Variants in STK32B observed in about 807,000 individuals in gnomAD.
STK32B encodes the protein serine/threonine-protein kinase 32B.
STK32B carries 43 observed loss-of-function variants against 52.6 expected under a neutral mutation model. The ratio of observed to expected loss-of-function variants is 0.82; its 90% CI spans 0.64 to 1.05. The LOEUF (loss-of-function observed/expected upper bound fraction) is 1.05, where lower values mean the gene tolerates loss of function less well. Among genes scored for constraint, STK32B ranks in the 50% least tolerant of loss-of-function variants. The pLI is 0.00. For synonymous variants in STK32B, 238 were observed against 204.3 expected (o/e 1.17, Z -1.41); for missense variants, 621 against 534.6 (o/e 1.16, Z -1.59).
Position 5,466,912 on chromosome 4 carries a change from G to C in STK32B, c.1041+78G>C, listed in dbSNP as rs966815979. Reference sequence around the variant, plus strand: ...AATGACTGAGCCAGGCCACTGTTTAGCAAAAAGGGGACATTTCAATCCTCC... The same window carrying C: ...AATGACTGAGCCAGGCCACTGTTTACCAAAAAGGGGACATTTCAATCCTCC... On this transcript the variant is annotated intron_variant, in intron 10 of 11. Coordinates refer to ENST00000282908, the MANE Select transcript of STK32B (RefSeq NM_018401.3). 2.7e-6 allele frequency: 4 copies of C among 1,498,470 alleles called. No homozygotes were observed. In the African/African-American group the frequency reaches 5.7e-5, roughly 21 times the overall value. 92.8% of individuals were successfully genotyped at this position (1,498,470 alleles called of 1,614,324 possible). A position where few individuals can be genotyped will look rare whatever the true frequency, so the allele number is the denominator to read the frequency against.
At chr4:5,303,483 CTT>C (rs1729714931) in intron 3 of STK32B, among the ~76,000 whole-genome samples, 1 of 151,838 alleles carries the variant, frequency 6.6e-6, no homozygotes, top group Admixed American at 6.6e-5. Flanking sequence ...TATATTGTCT[CTT>C]TATAATTGTC....
Position 5,467,126 on chromosome 4 carries a change from G to A in STK32B, c.1041+292G>A, listed in dbSNP as rs552840230. 1.9e-4 allele frequency among the ~76,000 whole-genome samples: 24 copies of A among 124,668 alleles called. No homozygotes were observed. The South Asian group carries it at 2.2e-3, about 11-fold the overall frequency. The allele number at this position is 124,668 out of a possible 152,430, so 81.8% of individuals were successfully genotyped here. On this transcript the variant is annotated intron_variant, in intron 10 of 11. Transcript: ENST00000282908. The surrounding 1 kb of genome is among the most constrained non-coding windows in gnomAD (Gnocchi z 5.8). ...GCGCCCTTGAGAAAGATTTTGTACC[G>A]CAGAGGCCCCCAGGGCTGCACGATG...
chr4:5,042,601 G>A, the STK32B span, among the ~76,000 whole-genome samples: 7 of 152,314 alleles, frequency 4.6e-5, no homozygotes, highest in Admixed American at 2.0e-4. Flanking sequence ...CGCATTTCTC[G>A]GGGCTTGCAC....
intron 2 of STK32B, among the ~76,000 whole-genome samples, chr4:5,148,368 G>A (rs1717086003): frequency 6.6e-6 from 1 of 151,696 alleles, no homozygotes; most frequent in Non-Finnish European, 1.5e-5. Context: ...TCTAATATAA[G>A]CATTTTAAGC....
In STK32B at chr4:5,249,441, A is replaced by ACCTACCTTCCTT. The variant is rs1182902469; in HGVS notation, c.260+80994_260+80995insACCTTCCTTCCT. 2.6e-4 allele frequency among the ~76,000 whole-genome samples: 36 copies of ACCTACCTTCCTT among 137,320 alleles called. 1 individual carries two copies. The highest frequency in any genetic ancestry group is 4.3e-4 in the Non-Finnish European group (27 of 62,966). 90.1% of individuals were successfully genotyped at this position (137,320 alleles called of 152,430 possible). A position where few individuals can be genotyped will look rare whatever the true frequency, so the allele number is the denominator to read the frequency against. On this transcript the variant is annotated intron_variant, in intron 3 of 11. Coordinates refer to ENST00000282908, the MANE Select transcript of STK32B (RefSeq NM_018401.3). ...GTCTGTTCTTCCTTCCTTCCTACCT[A>ACCTACCTTCCTT]CCTTCCTTCCTTCCTTCCTTCCTTC... is the stretch of plus-strand genomic sequence containing the variant.
intron 5 of STK32B, among the ~76,000 whole-genome samples, chr4:5,403,052 A>C (rs181329300): frequency 6.6e-6 from 1 of 152,122 alleles, no homozygotes; most frequent in African/African-American, 2.4e-5. Context: ...TTCTTTATTT[A>C]ATATTCCATT....
intron 2 of STK32B, among the ~76,000 whole-genome samples, chr4:5,154,113 C>T (rs986060503): frequency 2.6e-5 from 4 of 151,484 alleles, no homozygotes; most frequent in Non-Finnish European, 5.9e-5. Context: ...ATGATTGAGA[C>T]AGTATGTTAT....
chr4:5,342,948 T>G (rs1362251652), intron 4 of STK32B, among the ~76,000 whole-genome samples: 1 of 152,190 alleles, frequency 6.6e-6, no homozygotes, highest in African/African-American at 2.4e-5. Flanking sequence ...TCTGACCAAA[T>G]ATTCTTTTTT....
intron 2 of STK32B, among the ~76,000 whole-genome samples, chr4:5,163,246 C>A (rs1017763746): frequency 1.3e-5 from 2 of 152,098 alleles, no homozygotes; most frequent in African/African-American, 4.8e-5. Flanking sequence ...CATGTGTGAG[C>A]CCCTGAACAG....
chr4:5,276,100 C>G (rs1277378553), intron 3 of STK32B, among the ~76,000 whole-genome samples: 2 of 151,964 alleles, frequency 1.3e-5, no homozygotes, highest in African/African-American at 2.4e-5. Context: ...ACCAGCCTGG[C>G]CAACTTGGAA....
chr4:5,260,900 T>C (rs1201822141), intron 3 of STK32B, among the ~76,000 whole-genome samples: 1 of 152,054 alleles, frequency 6.6e-6, no homozygotes, highest in East Asian at 1.9e-4. Context: ...TCAGTGAGGC[T>C]TCAGTGGACC....
chr4:5,446,651 C>T, intron 6 of STK32B, 22 bp from the exon 7 acceptor site: 2 of 1,598,620 alleles, frequency 1.3e-6, no homozygotes, highest in Non-Finnish European at 1.7e-6. Flanking sequence ...CAATGATGTT[C>T]TCCTTGTCCT....
At chr4:5,137,614 A>G (rs1716152219) in intron 1 of STK32B, among the ~76,000 whole-genome samples, 1 of 152,190 alleles carries the variant, frequency 6.6e-6, no homozygotes, top group South Asian at 2.1e-4. Flanking sequence ...TATTTTACAA[A>G]TGAGATAACT....
At chr4:5,422,812 G>A (rs1008865049) in intron 6 of STK32B, among the ~76,000 whole-genome samples, 2 of 152,134 alleles carry the variant, frequency 1.3e-5, no homozygotes, top group African/African-American at 4.8e-5. Context: ...ATGAAGAGGG[G>A]GAGATGAGAT....
chr4:5,498,990 C>T lies in STK32B; in HGVS notation c.1152C>T (p.Asp384=). ...QGQGSQLLDT[D]SRGGGQAQSK... The stretch of plus-strand genomic sequence containing the variant: ...AGGGCAGCCAGCTCTTGGACACCGA[C>T]AGCCGAGGGGGAGGCCAGGCCCAAA... The change falls in exon 12 of 12, where the codon GAC becomes GAT. Residue 384 remains aspartate (D), a synonymous_variant. Coordinates refer to ENST00000282908, the MANE Select transcript of STK32B (RefSeq NM_018401.3). 6.2e-7 allele frequency: 1 copy of T among 1,613,840 alleles called. No individual in the cohort carries two copies. Among genetic ancestry groups the T allele is most frequent in the Non-Finnish European group, 8.5e-7 (1 of 1,179,826 alleles).
intron 3 of STK32B, among the ~76,000 whole-genome samples, chr4:5,194,454 A>G (rs1165134945): frequency 6.6e-6 from 1 of 152,202 alleles, no homozygotes; most frequent in Non-Finnish European, 1.5e-5. Context: ...CCTCATCCTC[A>G]GATCCCAACA....
intron 3 of STK32B, among the ~76,000 whole-genome samples, chr4:5,203,401 C>A (rs922843134): frequency 3.3e-5 from 5 of 152,154 alleles, no homozygotes; most frequent in Non-Finnish European, 5.9e-5. Flanking sequence ...CCCCTCCACA[C>A]CCACTGTAGC....
intron 1 of STK32B, among the ~76,000 whole-genome samples, chr4:5,062,143 C>T (rs1165201964): frequency 6.6e-6 from 1 of 152,204 alleles, no homozygotes. Context: ...CCCTAATCCC[C>T]ATGCTACCTA....
At chr4:5,311,973 T>C (rs1057155814) in intron 3 of STK32B, among the ~76,000 whole-genome samples, 1 of 151,282 alleles carries the variant, frequency 6.6e-6, no homozygotes, top group Non-Finnish European at 1.5e-5. Flanking sequence ...TTTAAAAAAA[T>C]TATAAACAGT....
Sources: gnomAD v4.1 joint callset for allele counts (sites outside exome capture counted in the v4.1 genomes callset) on GRCh38, gnomAD v4.1.1 for gene constraint, Gnocchi (gnomAD v3.1) non-coding constraint, MANE v1.5 for transcripts, NCBI Gene and HGNC (gene_info 2026-07-23, HGNC 2026-07-21) for gene names.